The following PCDH9 variants were observed in gnomAD, a reference collection of about 807,000 sequenced individuals.
PCDH9 encodes protocadherin 9.
Under a neutral mutation model 70.6 loss-of-function variants are expected in PCDH9, and 24 were observed. That is an observed-to-expected ratio of 0.34 (90% CI 0.25 to 0.48). The LOEUF is 0.48. Ranked by LOEUF, PCDH9 falls within the 20% of genes least tolerant of loss-of-function variation. The pLI, the probability that PCDH9 is intolerant of heterozygous loss-of-function variation, is 0.99. For missense variants in PCDH9, 1,281 were observed against 1,503.6 expected, an observed-to-expected ratio of 0.85 and a Z score of 2.45; for synonymous variants, 562 against 558.5, an observed-to-expected ratio of 1.01 and a Z score of -0.09.
Position 66,494,680 on chromosome 13 carries a change from T to C in PCDH9, c.3340+136530A>G, listed in dbSNP as rs148264818. Among the ~76,000 whole-genome samples the C allele has an allele frequency of 7.7e-3, 1,169 of 152,246 alleles. 11 individuals carry two copies. The highest frequency in any genetic ancestry group is 0.027 in the African/African-American group (1,132 of 41,552). On this transcript the variant is annotated intron_variant, in intron 4 of 4. Transcript: ENST00000377865. ...AAGGTATGTACATTTTAAAAATCTT[T>C]ATAATATAGATAAATTTAAAGCATA... is the stretch of plus-strand genomic sequence containing the variant.
chr13:66,623,741 T>A (rs1486724142), intron 4 of PCDH9, among the ~76,000 whole-genome samples: 1 of 152,252 alleles, frequency 6.6e-6, no homozygotes, highest in African/African-American at 2.4e-5. Flanking sequence ...ACCCGAGTCA[T>A]ACTCAGCAGT....
chr13:66,898,100 T>C (rs2082212795), intron 3 of PCDH9, among the ~76,000 whole-genome samples: 1 of 152,084 alleles, frequency 6.6e-6, no homozygotes, highest in African/African-American at 2.4e-5. Context: ...ATGCCCAACA[T>C]GCTTTCTCTA....
chr13:66,766,264 G>A (rs1399038795), intron 3 of PCDH9, among the ~76,000 whole-genome samples: 1 of 151,916 alleles, frequency 6.6e-6, no homozygotes, highest in Non-Finnish European at 1.5e-5. Context: ...ACCAGCTCTA[G>A]AAGAGTCAGA....
intron 3 of PCDH9, among the ~76,000 whole-genome samples, chr13:66,863,416 T>C (rs1235713589): frequency 6.6e-6 from 1 of 152,228 alleles, no homozygotes; most frequent in African/African-American, 2.4e-5. Flanking sequence ...TGAGTTTCAG[T>C]TGTTTAAATA....
chr13:66,989,154 T>G (rs1272068958), intron 2 of PCDH9, among the ~76,000 whole-genome samples: 3 of 151,980 alleles, frequency 2.0e-5, no homozygotes, highest in African/African-American at 7.2e-5. Flanking sequence ...AGTATTGGAA[T>G]AAATATTATA....
At chr13:66,322,657 GT>G (rs1226757080) in intron 4 of PCDH9, among the ~76,000 whole-genome samples, 2 of 151,858 alleles carry the variant, frequency 1.3e-5, no homozygotes, top group African/African-American at 2.4e-5. Flanking sequence ...TCAAGAACTT[GT>G]TTTTTCAGAT....
intron 3 of PCDH9, among the ~76,000 whole-genome samples, chr13:66,848,490 T>C (rs2139446623): frequency 6.6e-6 from 1 of 152,258 alleles, no homozygotes; most frequent in East Asian, 1.9e-4. Context: ...ATTTAATTGG[T>C]TTAATGTGGG....
At chr13:66,513,847 T>C (rs1959604816) in intron 4 of PCDH9, among the ~76,000 whole-genome samples, 1 of 152,104 alleles carries the variant, frequency 6.6e-6, no homozygotes, top group African/African-American at 2.4e-5. Context: ...TTTTTTTTTT[T>C]CTCTTACTCC....
chr13:67,079,742 G>A (rs2085947239), intron 2 of PCDH9, among the ~76,000 whole-genome samples: 1 of 152,118 alleles, frequency 6.6e-6, no homozygotes, highest in Non-Finnish European at 1.5e-5. Context: ...TGAACTGAGA[G>A]CCTGACACCT....
chr13:67,138,047 A>C (rs2087278473), intron 2 of PCDH9, among the ~76,000 whole-genome samples: 1 of 152,094 alleles, frequency 6.6e-6, no homozygotes, highest in African/African-American at 2.4e-5. Context: ...TATTTATAAG[A>C]ATTTTTAGCA....
At position 66,604,213 on chromosome 13, in the gene PCDH9, T is replaced by A. The variant is rs543237712; in HGVS notation, c.3340+26997A>T. Among the ~76,000 whole-genome samples, 76 of 151,800 alleles carry A rather than the reference T, an allele frequency of 5.0e-4. 1 individual carries two copies. Among genetic ancestry groups the A allele is most frequent in the African/African-American group, 1.8e-3 (74 of 41,194 alleles). On this transcript the variant is annotated intron_variant, in intron 4 of 4. Transcript: ENST00000377865. The stretch of plus-strand genomic sequence containing the variant: ...AGCAACTCTCTCAGTAGCTCTGAGT[T>A]CTTCTTCTGCATGCTTCAAAGGGAG...
chr13:66,578,220 G>A (rs986077171), intron 4 of PCDH9, among the ~76,000 whole-genome samples: 6 of 151,998 alleles, frequency 3.9e-5, no homozygotes, highest in African/African-American at 7.2e-5. Context: ...CAAGGAAAAC[G>A]TCATACCTTC....
chr13:67,089,742 A>C (rs1201718821), intron 2 of PCDH9, among the ~76,000 whole-genome samples: 1 of 151,966 alleles, frequency 6.6e-6, no homozygotes, highest in African/African-American at 2.4e-5. Flanking sequence ...TAGAACATGA[A>C]ATTTTTCACT....
intron 2 of PCDH9, chr13:67,218,842 AT>A (rs1453734512): frequency 6.6e-6 from 1 of 151,782 alleles, no homozygotes; most frequent in Non-Finnish European, 1.5e-5. Flanking sequence ...CTGTGCTTCT[AT>A]CTTTGCCATT....
At chr13:66,556,974 G>A (rs1223464741) in intron 4 of PCDH9, among the ~76,000 whole-genome samples, 1 of 152,022 alleles carries the variant, frequency 6.6e-6, no homozygotes. Flanking sequence ...AAAGATAAAG[G>A]AGTTATCAGA....
chr13:67,099,099 A>C, intron 2 of PCDH9, among the ~76,000 whole-genome samples: 1 of 152,322 alleles, frequency 6.6e-6, no homozygotes. Flanking sequence ...CAACTAAACA[A>C]CACCAAAGTC....
chr13:66,524,243 T>C (rs9540788), intron 4 of PCDH9, among the ~76,000 whole-genome samples: 36,821 of 151,996 alleles, frequency 0.24, 4,876 homozygotes, highest in South Asian at 0.35. Flanking sequence ...GCTTAATAAT[T>C]ACATAAAATG....
intron 3 of PCDH9, among the ~76,000 whole-genome samples, chr13:66,729,885 G>A (rs2079050339): frequency 1.3e-5 from 2 of 152,118 alleles, no homozygotes; most frequent in Non-Finnish European, 2.9e-5. Context: ...CATTTTACAT[G>A]TTTGACTTCC....
intron 3 of PCDH9, among the ~76,000 whole-genome samples, chr13:66,756,466 C>A (rs2079539660): frequency 6.6e-6 from 1 of 152,076 alleles, no homozygotes; most frequent in Admixed American, 6.6e-5. Flanking sequence ...GCAAATGGAT[C>A]CATAACTTTG....
Sources: allele counts gnomAD v4.1 joint callset (sites outside exome capture counted in the v4.1 genomes callset), GRCh38; gene constraint gnomAD v4.1.1; transcripts MANE v1.5; gene names NCBI Gene and HGNC (gene_info 2026-07-23, HGNC 2026-07-21).